Variants in OTOP1 observed in about 807,000 individuals in gnomAD.
OTOP1 encodes otopetrin 1, also known as proton channel OTOP1.
In OTOP1, 59 loss-of-function variants were observed where a neutral mutation model predicts 52.9. The observed-to-expected ratio is 1.12, with a 90% CI of 0.91 to 1.39. The LOEUF (loss-of-function observed/expected upper bound fraction) is 1.39. Ranked by LOEUF, OTOP1 falls within the 40% of genes most tolerant of loss-of-function variation. The probability of loss-of-function intolerance (pLI) is 0.00; values close to 1 mark genes in which losing one functional copy is unlikely to be tolerated. For synonymous variants in OTOP1, 317 were observed against 337.7 expected (o/e 0.94, Z 0.67); for missense variants, 761 against 800.9 (o/e 0.95, Z 0.60).
intron 5 of OTOP1, among the ~76,000 whole-genome samples, chr4:4,196,282 G>T (rs1478765841): frequency 6.6e-6 from 1 of 152,044 alleles, no homozygotes; most frequent in Non-Finnish European, 1.5e-5. Flanking sequence ...CCAGGCGTGG[G>T]AGCTCACACC....
At chr4:4,192,090 C>T (rs1312049962) in intron 5 of OTOP1, among the ~76,000 whole-genome samples, 5 of 152,222 alleles carry the variant, frequency 3.3e-5, no homozygotes, top group African/African-American at 1.2e-4. Context: ...TCTGTGACTA[C>T]ATGACTAATA....
chr4:4,218,773 C>CA lies in OTOP1; in HGVS notation c.404-5770dup, dbSNP rs2108805104. Among the ~76,000 whole-genome samples the CA allele has an allele frequency of 6.6e-5, 10 of 152,010 alleles. No individual in the cohort carries two copies. In the South Asian group the frequency reaches 2.1e-3, roughly 32 times the overall value. On this transcript the variant is annotated intron_variant, in intron 1 of 5. Coordinates refer to ENST00000296358, the MANE Select transcript of OTOP1 (RefSeq NM_177998.3). ...TGAAACCCCGTCTCTACCAAAAACA[C>CA]AAAACATTTGCCCAGTGTGGTGATG...
chr4:4,199,602 A>G (rs1217378361), intron 4 of OTOP1, among the ~76,000 whole-genome samples: 2 of 152,072 alleles, frequency 1.3e-5, no homozygotes, highest in African/African-American at 4.8e-5. Flanking sequence ...TTGTAGAGAC[A>G]GGGTTCCGCC....
chr4:4,191,292 C>T (rs189908837), intron 5 of OTOP1, among the ~76,000 whole-genome samples: 3 of 152,314 alleles, frequency 2.0e-5, no homozygotes, highest in Admixed American at 1.3e-4. Flanking sequence ...TGGACCATGG[C>T]GGTGGCCCCC....
chr4:4,223,375 G>T (rs1717342514), intron 1 of OTOP1, among the ~76,000 whole-genome samples: 3 of 151,242 alleles, frequency 2.0e-5, no homozygotes, highest in African/African-American at 4.9e-5. Flanking sequence ...GAGAGAGGAA[G>T]AACAAAAAAA....
At chr4:4,224,512 C>T (rs1717381460) in intron 1 of OTOP1, among the ~76,000 whole-genome samples, 1 of 152,122 alleles carries the variant, frequency 6.6e-6, no homozygotes, top group Non-Finnish European at 1.5e-5. Flanking sequence ...TAGGAAAACA[C>T]AGGTAAAGGC....
intron 3 of OTOP1, among the ~76,000 whole-genome samples, chr4:4,203,050 T>C (rs1716824864): frequency 6.6e-6 from 1 of 152,256 alleles, no homozygotes; most frequent in Non-Finnish European, 1.5e-5. Flanking sequence ...CCCTCTGCCA[T>C]GCCACCTACT....
At chr4:4,198,271 G>A (rs1716698915) in intron 4 of OTOP1, among the ~76,000 whole-genome samples, 168 bp from the exon 5 acceptor site, 1 of 152,190 alleles carries the variant, frequency 6.6e-6, no homozygotes, top group Non-Finnish European at 1.5e-5. Context: ...TGGCTAAGTT[G>A]ATAGCCCTGA....
rs182264183 is a variant in OTOP1, at chr4:4,219,669, C to G, written c.404-6665G>C. 6.5e-3 allele frequency among the ~76,000 whole-genome samples: 962 copies of G among 147,754 alleles called. 13 individuals are homozygous for G. Among genetic ancestry groups the G allele is most frequent in the African/African-American group, 0.023 (925 of 40,524 alleles). On this transcript the variant is annotated intron_variant, in intron 1 of 5. Coordinates refer to ENST00000296358, the MANE Select transcript of OTOP1 (RefSeq NM_177998.3). ...CCAAGATCGTGCCACTGCACTCCAG[C>G]CTGGGCGACAGAGCGAGACTCTGTC... is the stretch of plus-strand genomic sequence containing the variant.
chr4:4,191,638 A>C lies in OTOP1; in HGVS notation c.1669-2665T>G, dbSNP rs184564429. 2.5e-3 allele frequency among the ~76,000 whole-genome samples: 374 copies of C among 152,252 alleles called. 2 individuals are homozygous for C. Among genetic ancestry groups the C allele is most frequent in the Non-Finnish European group, 4.3e-3 (292 of 68,022 alleles). Reference sequence around the variant, plus strand: ...CCCTCCTTGTCTCACCTCACCCTTCAGCGAGGCCTTCTCACTAAGCTGGTC... The same window carrying C: ...CCCTCCTTGTCTCACCTCACCCTTCCGCGAGGCCTTCTCACTAAGCTGGTC... On this transcript the variant is annotated intron_variant, in intron 5 of 5. Transcript: ENST00000296358.
intron 5 of OTOP1, among the ~76,000 whole-genome samples, chr4:4,196,255 C>CA (rs889859626): frequency 1.9e-4 from 28 of 150,412 alleles, no homozygotes; most frequent in African/African-American, 6.1e-4. Context: ...CCTATCTCTA[C>CA]AAAAAAAAAG....
At chr4:4,195,515 A>T (rs1292779294) in intron 5 of OTOP1, among the ~76,000 whole-genome samples, 4 of 151,890 alleles carry the variant, frequency 2.6e-5, no homozygotes, top group African/African-American at 9.7e-5. Flanking sequence ...TCTGTCTTGA[A>T]CCCAGATGTG....
chr4:4,198,040 T>C lies in OTOP1; in HGVS notation c.794A>G (p.His265Arg), dbSNP rs1716691709. 2.5e-6 allele frequency: 4 copies of C among 1,614,072 alleles called. No homozygotes were observed. The highest frequency in any genetic ancestry group is 1.7e-6 in the Non-Finnish European group (2 of 1,180,000). Residue 265 changes from histidine (H) to arginine (R), a missense_variant, in exon 5 of 6, where the codon CAC becomes CGC. His to Arg is a conservative substitution (Grantham distance 29). Coordinates refer to ENST00000296358, the MANE Select transcript of OTOP1 (RefSeq NM_177998.3). ...GAAGGGGTAGAGGTAGTAGATCCCG[T>C]GGGAGATGGCAGTGCACAGAGTTGG... ...TPPTLCTAIS[H>R]GIYYLYPFNI...
At chr4:4,208,345 C>A (rs556942628) in intron 2 of OTOP1, among the ~76,000 whole-genome samples, 1 of 152,184 alleles carries the variant, frequency 6.6e-6, no homozygotes, top group East Asian at 1.9e-4. Flanking sequence ...TGACGCAGTT[C>A]CCAGCTTGAC....
At position 4,192,119 on chromosome 4, in the gene OTOP1, A is replaced by C. The variant is rs1716522312; in HGVS notation, c.1669-3146T>G. On this transcript the variant is annotated intron_variant, in intron 5 of 5. Transcript: ENST00000296358. ...ACTAATAAAATATGGCAGAAATGAC[A>C]CCATGCAGTTTCCAAGCCCAGGCCT... is the stretch of plus-strand genomic sequence containing the variant. Among the ~76,000 whole-genome samples, 5 of 152,206 alleles carry C rather than the reference A, an allele frequency of 3.3e-5. No homozygotes were observed. In the South Asian group the frequency reaches 1.0e-3, roughly 31 times the overall value.
Position 4,197,556 on chromosome 4 carries a change from C to T in OTOP1, c.1278G>A (p.Leu426=), listed in dbSNP as rs1716669952. The T allele has an allele frequency of 1.2e-6, 2 of 1,614,022 alleles. No homozygotes were observed. Among genetic ancestry groups the T allele is most frequent in the Non-Finnish European group, 1.7e-6 (2 of 1,180,016 alleles). The change falls in exon 5 of 6, where the codon CTG becomes CTA. Residue 426 remains leucine, a synonymous_variant. Transcript: ENST00000296358. ...CCACGATCGCCAGGATGGAGTAGGG[C>T]AGGTTGTACCAGGTGTAGCGGGGGT... The part of the protein sequence containing the change: ...EGHPRYTWYN[L]PYSILAIVEK...
At chr4:4,208,765 A>T (rs1577180628) in intron 2 of OTOP1, among the ~76,000 whole-genome samples, 1 of 136,024 alleles carries the variant, frequency 7.4e-6, no homozygotes, top group South Asian at 2.6e-4. Context: ...GGTAAGTGTT[A>T]TGTGATTGTC....
chr4:4,191,555 C>T (rs1298798058), intron 5 of OTOP1, among the ~76,000 whole-genome samples: 1 of 152,152 alleles, frequency 6.6e-6, no homozygotes, highest in Non-Finnish European at 1.5e-5. Flanking sequence ...ACCGCTCACT[C>T]CCACCGGGGG....
chr4:4,198,680 G>A (rs992499473), intron 4 of OTOP1, among the ~76,000 whole-genome samples: 9 of 152,148 alleles, frequency 5.9e-5, no homozygotes, highest in African/African-American at 1.4e-4. Flanking sequence ...GACAGGCGCC[G>A]TCCGATATCG....
Sources: gnomAD v4.1 joint callset for allele counts (sites outside exome capture counted in the v4.1 genomes callset) on GRCh38, gnomAD v4.1.1 for gene constraint, MANE v1.5 for transcripts, NCBI Gene and HGNC (gene_info 2026-07-23, HGNC 2026-07-21) for gene names.